ZFHX3: variants seen among roughly 807,000 people sequenced by gnomAD.
ZFHX3 encodes zinc finger homeobox protein 3.
ZFHX3 carries 42 observed loss-of-function variants against 279.1 expected under a neutral mutation model. The ratio of observed to expected loss-of-function variants is 0.15; its 90% CI spans 0.12 to 0.19. The LOEUF (loss-of-function observed/expected upper bound fraction) is 0.19. Among genes scored for constraint, ZFHX3 ranks in the 10% least tolerant of loss-of-function variants. ZFHX3 has a pLI of 1.00. For synonymous variants in ZFHX3, 2,293 were observed against 1,957.8 expected, an observed-to-expected ratio of 1.17 and a Z score of -4.52; for missense variants, 4,981 against 4,754.0, an observed-to-expected ratio of 1.05 and a Z score of -1.40.
At chr16:73,118,454 C>T (rs1242638709) in intron 7 of ZFHX3, among the ~76,000 whole-genome samples, 10 of 152,048 alleles carry the variant, frequency 6.6e-5, no homozygotes, top group Non-Finnish European at 5.9e-5. Context: ...GGTGATCTAC[C>T]TGCCCCGCCT....
intron 4 of ZFHX3, among the ~76,000 whole-genome samples, chr16:73,279,669 G>A (rs539739347): frequency 1.3e-4 from 20 of 152,102 alleles, no homozygotes; most frequent in Middle Eastern, 3.4e-3. Flanking sequence ...TTTGTACTTA[G>A]AAGCTTGGCA....
chr16:73,583,345 G>A (rs571546518), intron 2 of ZFHX3, among the ~76,000 whole-genome samples: 3 of 152,188 alleles, frequency 2.0e-5, no homozygotes, highest in Admixed American at 2.0e-4. Flanking sequence ...GTACTAAGAA[G>A]GAAAAAACAG....
intron 1 of ZFHX3, among the ~76,000 whole-genome samples, chr16:72,981,423 A>C (rs1962594821): frequency 6.6e-6 from 1 of 152,256 alleles, no homozygotes. Context: ...CATCCGTTGA[A>C]TTAAAAGCCT....
At chr16:72,965,263 GGGACTGTCCTAAGGTGATGGGATCCCA>G (rs369576348) in intron 1 of ZFHX3, among the ~76,000 whole-genome samples, 2 of 152,204 alleles carry the variant, frequency 1.3e-5, no homozygotes, top group African/African-American at 4.8e-5. Context: ...TAAGCACCCA[GGGACTGTCCTAAGGTGATGGGATCCCA>G]GGACTGCTCA....
At chr16:72,881,224 AATATG>A (rs1344813462) in intron 4 of ZFHX3, among the ~76,000 whole-genome samples, 1 of 152,204 alleles carries the variant, frequency 6.6e-6, no homozygotes, top group Non-Finnish European at 1.5e-5. Context: ...AAATCTGGTT[AATATG>A]ATGCAGAAAC....
chr16:73,062,639 G>A (rs575098924), upstream of ZFHX3, among the ~76,000 whole-genome samples: 154 of 152,182 alleles, frequency 1.0e-3, no homozygotes, highest in Non-Finnish European at 1.7e-3. Context: ...AGGATGAAGG[G>A]GTCTTAGGAG....
intron 4 of ZFHX3, among the ~76,000 whole-genome samples, chr16:73,290,981 G>T (rs1433949150): frequency 6.6e-6 from 1 of 152,198 alleles, no homozygotes; most frequent in Admixed American, 6.5e-5. Context: ...GACCAGGGCT[G>T]GTGATATCTG....
chr16:72,904,374 A>C (rs867263060), intron 3 of ZFHX3, among the ~76,000 whole-genome samples: 2,748 of 121,506 alleles, frequency 0.023, 44 homozygotes, highest in Non-Finnish European at 0.033. Flanking sequence ...CTCAAAATAA[A>C]TAAATAAATA....
At chr16:73,248,412 T>C (rs2013371629) in intron 5 of ZFHX3, among the ~76,000 whole-genome samples, 1 of 151,702 alleles carries the variant, frequency 6.6e-6, no homozygotes, top group South Asian at 2.1e-4. Context: ...GTGTGCACTG[T>C]GCATATAATG....
At chr16:73,589,551 G>C (rs1179975109) in intron 2 of ZFHX3, among the ~76,000 whole-genome samples, 1 of 150,342 alleles carries the variant, frequency 6.7e-6, no homozygotes, top group East Asian at 2.0e-4. Flanking sequence ...CTAACACAGT[G>C]AAACCCCGTC....
chr16:73,633,246 C>T (rs2052494423), intron 2 of ZFHX3, among the ~76,000 whole-genome samples: 1 of 152,106 alleles, frequency 6.6e-6, no homozygotes, highest in Non-Finnish European at 1.5e-5. Context: ...AAGGAGAAAC[C>T]ACCAGAGGCC....
At chr16:73,409,419 G>C (rs1238033305) in intron 3 of ZFHX3, among the ~76,000 whole-genome samples, 1 of 152,142 alleles carries the variant, frequency 6.6e-6, no homozygotes, top group Non-Finnish European at 1.5e-5. Flanking sequence ...TTTAAGAACT[G>C]TTTTCATGCC....
At chr16:72,948,790 T>G (rs993930783) in intron 3 of ZFHX3, among the ~76,000 whole-genome samples, 1 of 152,224 alleles carries the variant, frequency 6.6e-6, no homozygotes, top group Non-Finnish European at 1.5e-5. Context: ...CTCAGTTGGG[T>G]CCTTTGGAAA....
chr16:73,832,968 G>A (rs1233730689), intron 1 of ZFHX3, among the ~76,000 whole-genome samples: 1 of 152,198 alleles, frequency 6.6e-6, no homozygotes, highest in Non-Finnish European at 1.5e-5. Context: ...CTACATGAAT[G>A]TCTATACCAG....
intron 9 of ZFHX3, chr16:72,789,881 C>G (rs2035622489): frequency 6.6e-6 from 1 of 152,260 alleles, no homozygotes; most frequent in Non-Finnish European, 1.5e-5. Flanking sequence ...GCAGGAAAAG[C>G]AGAAAAGCCA....
intron 3 of ZFHX3, among the ~76,000 whole-genome samples, chr16:73,393,442 C>T (rs1159769758): frequency 6.6e-6 from 1 of 152,198 alleles, no homozygotes; most frequent in Non-Finnish European, 1.5e-5. Flanking sequence ...ATTCAGTACT[C>T]CCAATCTAGA....
intron 1 of ZFHX3, among the ~76,000 whole-genome samples, chr16:73,781,987 AAAAAT>A (rs558563870): frequency 6.6e-6 from 1 of 152,170 alleles, no homozygotes; most frequent in South Asian, 2.1e-4. Context: ...ACTCCATCTC[AAAAAT>A]AAAATAAAAT....
intron 1 of ZFHX3, among the ~76,000 whole-genome samples, chr16:73,699,029 C>T (rs1035259578): frequency 5.9e-5 from 9 of 152,216 alleles, no homozygotes; most frequent in South Asian, 4.2e-4. Context: ...AGATTATAGG[C>T]GCCCGCTACC....
At chr16:73,484,302 G>T (rs1052958490) in intron 2 of ZFHX3, among the ~76,000 whole-genome samples, 4 of 152,188 alleles carry the variant, frequency 2.6e-5, no homozygotes, top group African/African-American at 9.7e-5. Context: ...CTCCCAAAGA[G>T]TCTAAAGTTC....
Sources: gnomAD v4.1 joint callset for allele counts (sites outside exome capture counted in the v4.1 genomes callset) on GRCh38, gnomAD v4.1.1 for gene constraint, MANE v1.5 for transcripts, NCBI Gene and HGNC (gene_info 2026-07-23, HGNC 2026-07-21) for gene names.